The following HECW1 variants were observed in gnomAD, a reference collection of about 807,000 sequenced individuals.
The protein encoded by HECW1 is HECT, C2 and WW domain containing E3 ubiquitin protein ligase 1.
A neutral mutation model predicts 182.3 loss-of-function variants in HECW1; 61 were observed. The observed-to-expected ratio is 0.33, with a 90% CI of 0.27 to 0.41. The LOEUF (loss-of-function observed/expected upper bound fraction) is 0.41. Among genes scored for constraint, HECW1 ranks in the 10% least tolerant of loss-of-function variants. The pLI is 1.00. For missense variants in HECW1, 1,739 were observed against 2,108.9 expected (o/e 0.82, Z 3.44); for synonymous variants, 859 against 832.6 (o/e 1.03, Z -0.55).
At chr7:43,177,692 C>T (rs1792394800) in intron 2 of HECW1, among the ~76,000 whole-genome samples, 1 of 152,322 alleles carries the variant, frequency 6.6e-6, no homozygotes, top group South Asian at 2.1e-4. Flanking sequence ...ATAGCACCTA[C>T]TTCAACCCGT....
chr7:43,552,283 G>A lies in HECW1; in HGVS notation c.4457G>A (p.Gly1486Asp). The A allele has an allele frequency of 6.2e-7, 1 of 1,614,114 alleles. No individual in the cohort carries two copies. Among genetic ancestry groups the A allele is most frequent in the African/African-American group, 1.3e-5 (1 of 75,028 alleles). ...AGGGAGCTGGAGCTGGTGATAGCTG[G>A]CACCGCGGAAATCGACCTAAATGAC... Reference protein sequence around the residue: ...DARELELVIAGTAEIDLNDWR... With the variant: ...DARELELVIADTAEIDLNDWR... Residue 1486 changes from glycine (G) to aspartate (D), a missense_variant, in exon 28 of 30, where the codon GGC (glycine) becomes GAC (aspartate). Physicochemically the swap from Gly to Asp is moderately conservative, Grantham distance 94. This residue lies in a region of HECW1 where 420 missense variants were observed against 595.7 expected (regional missense o/e 0.71). Coordinates refer to ENST00000395891, the MANE Select transcript of HECW1 (RefSeq NM_015052.5).
intron 3 of HECW1, among the ~76,000 whole-genome samples, chr7:43,295,575 C>T (rs1351150092): frequency 6.6e-6 from 1 of 152,132 alleles, no homozygotes; most frequent in Non-Finnish European, 1.5e-5. Flanking sequence ...GGAGACTTTC[C>T]CTAGAATGAA....
At chr7:43,208,851 A>G (rs1049895213) in intron 2 of HECW1, among the ~76,000 whole-genome samples, 3 of 152,084 alleles carry the variant, frequency 2.0e-5, no homozygotes, top group Non-Finnish European at 4.4e-5. Flanking sequence ...GTCTGGATTC[A>G]TCTCCCTGCA....
chr7:43,158,172 C>T (rs1790099657), intron 2 of HECW1, among the ~76,000 whole-genome samples: 1 of 152,166 alleles, frequency 6.6e-6, no homozygotes, highest in South Asian at 2.1e-4. Flanking sequence ...ATTTTCTCTT[C>T]TTACAACCAC....
chr7:43,239,430 G>T (rs1798674305), intron 2 of HECW1, among the ~76,000 whole-genome samples: 1 of 152,210 alleles, frequency 6.6e-6, no homozygotes, highest in Non-Finnish European at 1.5e-5. Context: ...GTACCGGGTT[G>T]GTTGGTCTGT....
intron 7 of HECW1, 130 bp from the exon 8 acceptor site, chr7:43,407,432 A>T: frequency 1.6e-6 from 1 of 644,656 alleles, no homozygotes; most frequent in Non-Finnish European, 2.6e-6. Context: ...CAGCCTGTTT[A>T]CCTGCCTGAG....
chr7:43,331,583 A>C (rs1283832071), intron 5 of HECW1, among the ~76,000 whole-genome samples: 1 of 145,916 alleles, frequency 6.9e-6, no homozygotes, highest in East Asian at 2.0e-4. Context: ...ACAGAGCAAG[A>C]CTCTGTCTCA....
chr7:43,434,503 C>G (rs1228983192), intron 8 of HECW1, among the ~76,000 whole-genome samples: 4 of 152,190 alleles, frequency 2.6e-5, no homozygotes, highest in Non-Finnish European at 5.9e-5. Context: ...TCTTTAGAGG[C>G]TTGAAGTAAA....
intron 9 of HECW1, 55 bp downstream of exon 9, chr7:43,438,200 C>G: frequency 1.3e-6 from 2 of 1,518,978 alleles, no homozygotes; most frequent in South Asian, 2.3e-5. Flanking sequence ...CAGGTCGTGC[C>G]CAAAGGTGGC....
intron 5 of HECW1, among the ~76,000 whole-genome samples, chr7:43,332,848 A>C (rs952525347): frequency 6.6e-6 from 1 of 152,322 alleles, no homozygotes. Flanking sequence ...TGCCTCATTT[A>C]ATCCTTATGG....
At chr7:43,497,485 A>T (rs1032986693) in intron 19 of HECW1, among the ~76,000 whole-genome samples, 1 of 152,202 alleles carries the variant, frequency 6.6e-6, no homozygotes, top group Non-Finnish European at 1.5e-5. Flanking sequence ...ATCATATTTC[A>T]TCTGTTTTTC....
intron 14 of HECW1, 102 bp downstream of exon 14, chr7:43,463,901 AGGG>A: frequency 7.5e-7 from 1 of 1,332,882 alleles, no homozygotes; most frequent in Admixed American, 2.0e-5. Flanking sequence ...AATGTGCCCC[AGGG>A]TGAAGAGAGT....
intron 3 of HECW1, chr7:43,248,695 TTTCCTCC>T (rs1562731854): frequency 0.15 from 7,111 of 46,474 alleles, 438 homozygotes; most frequent in African/African-American, 0.36. Context: ...TCCTCCTCCT[TTTCCTCC>T]TCCTCCTCCT....
chr7:43,552,002 T>C (rs1028422020), intron 27 of HECW1, among the ~76,000 whole-genome samples: 2 of 152,000 alleles, frequency 1.3e-5, no homozygotes, highest in African/African-American at 2.4e-5. Context: ...CCTAATACGA[T>C]CCCCTCAGGG....
At chr7:43,450,622 T>C (rs1192632162) in intron 11 of HECW1, among the ~76,000 whole-genome samples, 3 of 152,244 alleles carry the variant, frequency 2.0e-5, no homozygotes, top group Admixed American at 6.5e-5. Flanking sequence ...TCATTAGTTA[T>C]GAAGTGTTTT....
In HECW1 at chr7:43,498,533, G is replaced by A. The variant is rs527693432; in HGVS notation, c.3438-2166G>A. On this transcript the variant is annotated intron_variant, in intron 19 of 29. Coordinates refer to ENST00000395891, the MANE Select transcript of HECW1 (RefSeq NM_015052.5). ...GGCTGTGAGGTGGTGTCAGGATTTG[G>A]AGGAGAAAGCCCAGGGCTGGGGTTG... Among the ~76,000 whole-genome samples the A allele has an allele frequency of 2.0e-4, 30 of 152,302 alleles. 1 individual carries two copies. In the South Asian group the frequency reaches 6.2e-3, roughly 32 times the overall value.
intron 2 of HECW1, among the ~76,000 whole-genome samples, chr7:43,196,177 A>C (rs1416737332): frequency 6.6e-6 from 1 of 152,164 alleles, no homozygotes; most frequent in Non-Finnish European, 1.5e-5. Context: ...CCAGTGCTAT[A>C]GTGGGTGAAA....
At chr7:43,347,631 C>T (rs1334392264) in intron 5 of HECW1, among the ~76,000 whole-genome samples, 3 of 151,988 alleles carry the variant, frequency 2.0e-5, no homozygotes, top group Admixed American at 2.0e-4. Flanking sequence ...TTCAACTTTT[C>T]CCCATTCAGT....
intron 2 of HECW1, among the ~76,000 whole-genome samples, chr7:43,149,877 A>G (rs1789111724): frequency 6.6e-6 from 1 of 152,124 alleles, no homozygotes; most frequent in African/African-American, 2.4e-5. Context: ...TACTATTTTT[A>G]CTTCTTTTTT....
Sources: allele counts gnomAD v4.1 joint callset (sites outside exome capture counted in the v4.1 genomes callset), GRCh38; gene constraint gnomAD v4.1.1; regional missense constraint gnomAD v4.1.1; transcripts MANE v1.5; gene names NCBI Gene and HGNC (gene_info 2026-07-23, HGNC 2026-07-21).